The following PTPRD variants were observed in gnomAD, a reference collection of about 807,000 sequenced individuals.
PTPRD encodes receptor-type tyrosine-protein phosphatase delta.
PTPRD carries 34 observed loss-of-function variants against 214.5 expected under a neutral mutation model. That is an observed-to-expected ratio of 0.16 (90% CI 0.12 to 0.21). The LOEUF is 0.21. Ranked by LOEUF, PTPRD falls within the 10% of genes least tolerant of loss-of-function variation. The pLI, the probability that PTPRD is intolerant of heterozygous loss-of-function variation, is 1.00. For synonymous variants in PTPRD, 1,128 were observed against 845.7 expected (o/e 1.33, Z -5.79); for missense variants, 2,545 against 2,398.7 (o/e 1.06, Z -1.27).
chr9:8,862,751 T>C (rs2098128692), intron 11 of PTPRD, among the ~76,000 whole-genome samples: 1 of 152,214 alleles, frequency 6.6e-6, no homozygotes, highest in Non-Finnish European at 1.5e-5. Flanking sequence ...CTGTCCTCTT[T>C]AAGAAAAGAA....
At chr9:8,592,019 T>G (rs2094143425) in intron 14 of PTPRD, among the ~76,000 whole-genome samples, 1 of 152,196 alleles carries the variant, frequency 6.6e-6, no homozygotes, top group Admixed American at 6.5e-5. Flanking sequence ...TAATCGCATA[T>G]ATTTATTAAA....
intron 2 of PTPRD, among the ~76,000 whole-genome samples, chr9:10,405,702 A>G (rs1194385514): frequency 6.6e-6 from 1 of 151,634 alleles, no homozygotes; most frequent in Non-Finnish European, 1.5e-5. Flanking sequence ...AAATACAGTT[A>G]AATGGAAACT....
intron 36 of PTPRD, among the ~76,000 whole-genome samples, chr9:8,402,451 A>C (rs1281071703): frequency 6.6e-6 from 1 of 152,196 alleles, no homozygotes; most frequent in Non-Finnish European, 1.5e-5. Context: ...AGTACAGCGA[A>C]GTGGTAGTTA....
At chr9:9,891,374 C>CT (rs35668805) in intron 5 of PTPRD, among the ~76,000 whole-genome samples, 1,902 of 141,920 alleles carry the variant, frequency 0.013, 16 homozygotes, top group South Asian at 0.04. Flanking sequence ...AAAACATACA[C>CT]TTTTTTTTTT....
chr9:8,418,184 T>A (rs1216616968), intron 35 of PTPRD, among the ~76,000 whole-genome samples: 1 of 152,052 alleles, frequency 6.6e-6, no homozygotes, highest in African/African-American at 2.4e-5. Flanking sequence ...TTTTTTGCAC[T>A]GGAATATTTC....
At chr9:9,460,279 C>A (rs1319061480) in intron 8 of PTPRD, among the ~76,000 whole-genome samples, 1 of 151,906 alleles carries the variant, frequency 6.6e-6, no homozygotes, top group East Asian at 1.9e-4. Context: ...GACATTGACC[C>A]AGGTAAAGAA....
chr9:8,477,170 A>G (rs941439108), intron 30 of PTPRD, among the ~76,000 whole-genome samples: 1 of 152,162 alleles, frequency 6.6e-6, no homozygotes, highest in Non-Finnish European at 1.5e-5. Flanking sequence ...TATATGGGTA[A>G]AATTAAACTC....
At chr9:9,601,109 A>ATGTGTGTGTGTG (rs1273113716) in intron 7 of PTPRD, among the ~76,000 whole-genome samples, 20 of 102,052 alleles carry the variant, frequency 2.0e-4, no homozygotes, top group African/African-American at 6.7e-4. Context: ...AGAGATTAAT[A>ATGTGTGTGTGTG]TATGTGTGTG....
chr9:8,781,698 C>T (rs1214024618), intron 11 of PTPRD, among the ~76,000 whole-genome samples: 1 of 152,100 alleles, frequency 6.6e-6, no homozygotes, highest in Non-Finnish European at 1.5e-5. Flanking sequence ...CTCTCTGAAT[C>T]TTAATCAGAC....
At chr9:9,239,198 GA>G (rs34214521) in intron 9 of PTPRD, among the ~76,000 whole-genome samples, 12,867 of 137,064 alleles carry the variant, frequency 0.094, 685 homozygotes, top group African/African-American at 0.17. Flanking sequence ...ATGACTGTCT[GA>G]AAAAAAAAAA....
At chr9:9,645,141 C>T (rs530563696) in intron 7 of PTPRD, among the ~76,000 whole-genome samples, 1 of 152,342 alleles carries the variant, frequency 6.6e-6, no homozygotes, top group Admixed American at 6.5e-5. Context: ...GGCTCCTGCA[C>T]CTGCTCACCT....
chr9:9,209,114 A>G (rs776624370), intron 9 of PTPRD, among the ~76,000 whole-genome samples: 4 of 152,172 alleles, frequency 2.6e-5, no homozygotes, highest in African/African-American at 4.8e-5. Flanking sequence ...GGCTGACAAT[A>G]TAACTCCTGA....
At chr9:9,512,314 T>C (rs2096728401) in intron 8 of PTPRD, among the ~76,000 whole-genome samples, 1 of 151,850 alleles carries the variant, frequency 6.6e-6, no homozygotes. Flanking sequence ...TTTCTATTTT[T>C]CTGGGTATAT....
At chr9:10,019,887 C>T (rs2096810854) in intron 4 of PTPRD, among the ~76,000 whole-genome samples, 1 of 151,914 alleles carries the variant, frequency 6.6e-6, no homozygotes, top group Non-Finnish European at 1.5e-5. Flanking sequence ...ATGTAACTAA[C>T]ATGCATGTTG....
intron 2 of PTPRD, among the ~76,000 whole-genome samples, chr9:10,417,138 ATATGTTTCCAATT>A (rs2098498832): frequency 6.6e-6 from 1 of 151,830 alleles, no homozygotes; most frequent in Admixed American, 6.6e-5. Flanking sequence ...GTGGAACTAG[ATATGTTTCCAATT>A]TATGGCAAGA....
At chr9:9,598,299 T>C (rs1191285374) in intron 7 of PTPRD, among the ~76,000 whole-genome samples, 2 of 152,052 alleles carry the variant, frequency 1.3e-5, no homozygotes, top group South Asian at 2.1e-4. Flanking sequence ...CCTTAACTAC[T>C]GTATATGGTA....
intron 2 of PTPRD, among the ~76,000 whole-genome samples, chr9:10,611,547 C>T (rs1025818866): frequency 6.6e-6 from 1 of 152,072 alleles, no homozygotes; most frequent in African/African-American, 2.4e-5. Context: ...AGAAGAGTGT[C>T]CTACTTCTGT....
chr9:9,213,656 G>C (rs1402681397), intron 9 of PTPRD, among the ~76,000 whole-genome samples: 1 of 152,088 alleles, frequency 6.6e-6, no homozygotes, highest in Non-Finnish European at 1.5e-5. Context: ...GACACATTAT[G>C]CAAAAGGCAC....
chr9:9,171,167 G>C (rs1569558043), intron 10 of PTPRD, among the ~76,000 whole-genome samples: 1 of 152,088 alleles, frequency 6.6e-6, no homozygotes, highest in South Asian at 2.1e-4. Flanking sequence ...AGGGTTGAGT[G>C]TGCTTATCAT....
Sources: allele counts gnomAD v4.1 joint callset (sites outside exome capture counted in the v4.1 genomes callset), GRCh38; gene constraint gnomAD v4.1.1; transcripts MANE v1.5; gene names NCBI Gene and HGNC (gene_info 2026-07-23, HGNC 2026-07-21).